LIN54: variants seen among roughly 807,000 people sequenced by gnomAD.
The protein encoded by LIN54 is lin-54 DREAM MuvB core complex component.
A neutral mutation model predicts 78.7 loss-of-function variants in LIN54; 9 were observed. The observed-to-expected ratio is 0.11, with a 90% confidence interval of 0.07 to 0.20. The LOEUF is 0.20. LIN54 is among the 10% of genes least tolerant of loss of function. The pLI, the probability that LIN54 is intolerant of heterozygous loss-of-function variation, is 1.00. For synonymous variants in LIN54, 269 were observed against 318.4 expected (o/e 0.84, Z 1.65); for missense variants, 573 against 889.9 (o/e 0.64, Z 4.53).
rs1449736527 is a variant in LIN54, at chr4:82,926,471, T to C, written c.*1631A>G. On this transcript the variant is annotated 3_prime_UTR_variant, in exon 13 of 13. Coordinates refer to ENST00000340417, the MANE Select transcript of LIN54 (RefSeq NM_194282.4). ...TAATTTCTATTGCCTATATCTTGCA[T>C]GTTCATATGAACATATATACACACT... is the stretch of plus-strand genomic sequence containing the variant. 6.6e-6 allele frequency: 1 copy of C among 152,632 alleles called. No individual in the cohort carries two copies. The highest frequency in any genetic ancestry group is 6.5e-5 in the Admixed American group (1 of 15,276). 9.5% of individuals were successfully genotyped at this position (152,632 alleles called of 1,614,324 possible).
rs559294184 is a variant in LIN54, at chr4:82,989,644, C to A, written c.-32-4768G>T. The stretch of plus-strand genomic sequence containing the variant: ...GGCCTTTGGTCCCCATAAGGACACA[C>A]AGACATCAGCCCAACCCCTATTAAT... On this transcript the variant is annotated intron_variant, in intron 1 of 12. Coordinates refer to ENST00000340417, the MANE Select transcript of LIN54 (RefSeq NM_194282.4). 5.9e-5 allele frequency among the ~76,000 whole-genome samples: 9 copies of A among 152,300 alleles called. No homozygotes were observed. In the East Asian group the frequency reaches 1.7e-3, roughly 29 times the overall value.
rs1721458663 is a variant in LIN54, at chr4:82,926,253, G to C, written c.*1849C>G. The stretch of plus-strand genomic sequence containing the variant: ...GACCAAAAACTTATTGCAATCTTTT[G>C]AAAAATAACTTGATTATTATTTTAC... On this transcript the variant is annotated 3_prime_UTR_variant, in exon 13 of 13. Transcript: ENST00000340417. 6.6e-6 allele frequency: 1 copy of C among 152,266 alleles called. No homozygotes were observed. 9.4% of individuals were successfully genotyped at this position (152,266 alleles called of 1,614,324 possible).
In LIN54 at chr4:82,984,583, T is replaced by C. The variant is rs747213253; in HGVS notation, c.262A>G (p.Asn88Asp). The change falls in exon 2 of 13, where the codon AAT (asparagine) becomes GAT (aspartate). Residue 88 changes from asparagine (N) to aspartate (D), a missense_variant. By Grantham distance (23) the Asn-to-Asp change is conservative. This residue lies in a region of LIN54 where 183 missense variants were observed against 228.4 expected (regional missense o/e 0.80). Coordinates refer to ENST00000340417, the MANE Select transcript of LIN54 (RefSeq NM_194282.4). ...GGAAAAGCTGGTTTCACTGTGGTAT[T>C]AGAATCTGCTTTAGTAATTGTGGTA... ...VNTTITKADSNTTVKPAFPSG... is the reference protein window; with the variant it reads ...VNTTITKADSDTTVKPAFPSG... 1.2e-6 allele frequency: 2 copies of C among 1,614,108 alleles called. No homozygotes were observed. The highest frequency in any genetic ancestry group is 1.7e-6 in the Non-Finnish European group (2 of 1,180,048).
Position 82,992,636 on chromosome 4 carries a change from C to T in LIN54, c.-32-7760G>A, listed in dbSNP as rs528956828. Among the ~76,000 whole-genome samples the T allele has an allele frequency of 3.3e-5, 5 of 152,280 alleles. No homozygotes were observed. The South Asian group carries it at 1.0e-3, about 32-fold the overall frequency. ...GTGGCGTGAACACGACTCACTGAAGCGTCGAATTCCCAGGCTCAAGCAATC... is the reference window on the plus strand; with the variant it reads ...GTGGCGTGAACACGACTCACTGAAGTGTCGAATTCCCAGGCTCAAGCAATC... On this transcript the variant is annotated intron_variant, in intron 1 of 12. Coordinates refer to ENST00000340417, the MANE Select transcript of LIN54 (RefSeq NM_194282.4).
intron 1 of LIN54, among the ~76,000 whole-genome samples, chr4:83,000,357 C>T (rs979584903): frequency 6.6e-6 from 1 of 152,190 alleles, no homozygotes; most frequent in African/African-American, 2.4e-5. Flanking sequence ...ATGATCAGAA[C>T]TGCCCTTATC....
chr4:82,944,595 T>C (rs1029316525), intron 5 of LIN54: 163 of 1,280 alleles, frequency 0.13, 1 homozygote, highest in Admixed American at 0.16. Flanking sequence ...ATAAGATATA[T>C]ACTAAATACT....
chr4:82,931,212 C>T, intron 11 of LIN54, 67 bp from the exon 12 acceptor site: 2 of 1,129,636 alleles, frequency 1.8e-6, no homozygotes, highest in Non-Finnish European at 2.7e-6. Context: ...GTAGATGCCA[C>T]AATCAAATCA....
At chr4:82,964,778 C>T (rs908936780) in intron 4 of LIN54, among the ~76,000 whole-genome samples, 1 of 152,106 alleles carries the variant, frequency 6.6e-6, no homozygotes, top group African/African-American at 2.4e-5. Flanking sequence ...GTCATCCCAG[C>T]ACTTTGGGAG....
intron 1 of LIN54, among the ~76,000 whole-genome samples, chr4:83,010,132 A>G (rs1290757597): frequency 1.3e-5 from 2 of 152,210 alleles, no homozygotes; most frequent in African/African-American, 4.8e-5. Flanking sequence ...TCTTAAATGC[A>G]GATAAAATGC....
intron 1 of LIN54, among the ~76,000 whole-genome samples, chr4:82,994,446 G>A (rs1479163781): frequency 1.3e-5 from 2 of 151,176 alleles, no homozygotes; most frequent in South Asian, 4.2e-4. Context: ...CACCCATGCT[G>A]GAGTGCAGTG....
chr4:82,960,226 G>A (rs986635418), intron 4 of LIN54, among the ~76,000 whole-genome samples: 12 of 152,204 alleles, frequency 7.9e-5, no homozygotes, highest in Middle Eastern at 3.4e-3. Context: ...ACAGTGGCAT[G>A]ATCAGAGCTC....
chr4:82,975,317 C>T (rs1263361361), intron 3 of LIN54, among the ~76,000 whole-genome samples: 4 of 147,598 alleles, frequency 2.7e-5, no homozygotes, highest in Admixed American at 2.0e-4. Context: ...GCCTGGGTGA[C>T]AGAGTGAAAC....
At chr4:82,930,382 G>C (rs1202590845) in intron 12 of LIN54, among the ~76,000 whole-genome samples, 1 of 152,132 alleles carries the variant, frequency 6.6e-6, no homozygotes, top group Admixed American at 6.5e-5. Context: ...CAGCCACCTG[G>C]TATAGGCTAT....
intron 1 of LIN54, among the ~76,000 whole-genome samples, chr4:83,005,603 C>T (rs577638361): frequency 6.2e-5 from 9 of 144,356 alleles, no homozygotes; most frequent in Non-Finnish European, 9.0e-5. Context: ...CCAGCCTCAG[C>T]GACAGAGCAA....
chr4:82,934,209 G>A (rs1359423461), intron 11 of LIN54, among the ~76,000 whole-genome samples: 1 of 152,088 alleles, frequency 6.6e-6, no homozygotes, highest in Non-Finnish European at 1.5e-5. Context: ...GAGCAACCGG[G>A]CCAACGTGGT....
At chr4:83,007,979 T>C (rs916867509) in intron 1 of LIN54, among the ~76,000 whole-genome samples, 1 of 152,208 alleles carries the variant, frequency 6.6e-6, no homozygotes. Flanking sequence ...CTGTCATATA[T>C]CATGCAGATT....
intron 1 of LIN54, among the ~76,000 whole-genome samples, chr4:83,001,221 G>A (rs1728736066): frequency 6.6e-6 from 1 of 152,018 alleles, no homozygotes; most frequent in Admixed American, 6.6e-5. Context: ...ATAAATTGTG[G>A]ATATGACAAA....
At chr4:82,979,093 G>A in intron 2 of LIN54, 87 bp from the exon 3 acceptor site, 1 of 1,051,186 alleles carries the variant, frequency 9.5e-7, no homozygotes, top group Non-Finnish European at 1.4e-6. Context: ...ACACAAAGTA[G>A]CACATGTAAA....
intron 2 of LIN54, 90 bp downstream of exon 2, chr4:82,984,071 T>C (rs900707136): frequency 2.8e-5 from 23 of 836,160 alleles, no homozygotes; most frequent in Non-Finnish European, 3.0e-5. Flanking sequence ...GTAACAACTA[T>C]GTATTTAGTA....
Sources: allele counts gnomAD v4.1 joint callset (sites outside exome capture counted in the v4.1 genomes callset), GRCh38; gene constraint gnomAD v4.1.1; regional missense constraint gnomAD v4.1.1; transcripts MANE v1.5; gene names NCBI Gene and HGNC (gene_info 2026-07-23, HGNC 2026-07-21).